The following DNAH9 variants were observed in gnomAD, a reference collection of about 807,000 sequenced individuals.
DNAH9 encodes the protein DNAH9 variant protein.
DNAH9 carries 345 observed loss-of-function variants against 471.6 expected under a neutral mutation model. The ratio of observed to expected loss-of-function variants is 0.73; its 90% CI spans 0.67 to 0.80. DNAH9 has a LOEUF of 0.80. DNAH9 is among the 30% of genes least tolerant of loss of function. The pLI, the probability that DNAH9 is intolerant of heterozygous loss-of-function variation, is 0.00. For synonymous variants in DNAH9, 2,093 were observed against 2,123.6 expected (o/e 0.99, Z 0.40); for missense variants, 5,407 against 5,609.2 (o/e 0.96, Z 1.15).
intron 38 of DNAH9, among the ~76,000 whole-genome samples, chr17:11,771,232 A>C (rs1045511895): frequency 6.6e-6 from 1 of 152,104 alleles, no homozygotes; most frequent in East Asian, 1.9e-4. Flanking sequence ...GGGTTCAAGC[A>C]ATTCTCTTGT....
rs199890015 is a variant in DNAH9, at chr17:11,901,375, G to T, written c.11407-1344G>T. ...TCCCCGGGCCACACTGGAAGAAGAA[G>T]AATTGTCTTGGACCACACATAAAAC... is the stretch of plus-strand genomic sequence containing the variant. On this transcript the variant is annotated intron_variant, in intron 59 of 68. Coordinates refer to ENST00000262442, the MANE Select transcript of DNAH9 (RefSeq NM_001372.4). Among the ~76,000 whole-genome samples, 22 of 152,314 alleles carry T rather than the reference G, an allele frequency of 1.4e-4. No homozygotes were observed. The East Asian group carries it at 3.9e-3, about 27-fold the overall frequency.
chr17:11,844,082 G>T (rs1463504138), intron 49 of DNAH9, among the ~76,000 whole-genome samples: 1 of 150,888 alleles, frequency 6.6e-6, no homozygotes, highest in East Asian at 1.9e-4. Context: ...GAACAGTTAA[G>T]AATAATAAAG....
chr17:11,694,633 G>GCTTT lies in DNAH9; in HGVS notation c.4872+190_4872+193dup, dbSNP rs1567724539. Reference sequence around the variant, plus strand: ...TGCTTTCTTGCTTTCTTGCTTTCTTGCTTTCTTGCTTTCTCGCTTTCTCGC... The same window carrying GCTTT: ...TGCTTTCTTGCTTTCTTGCTTTCTTGCTTTCTTTCTTGCTTTCTCGCTTTCTCGC... On this transcript the variant is annotated intron_variant, in intron 22 of 68. Transcript: ENST00000262442. Among the ~76,000 whole-genome samples the GCTTT allele has an allele frequency of 1.8e-3, 13 of 7,100 alleles. 2 individuals are homozygous for GCTTT. Among genetic ancestry groups the GCTTT allele is most frequent in the Admixed American group, 2.6e-3 (1 of 378 alleles). 4.7% of individuals were successfully genotyped at this position (7,100 alleles called of 152,430 possible). A position where few individuals can be genotyped will look rare whatever the true frequency, so the allele number is the denominator to read the frequency against.
chr17:11,961,555 CA>C (rs138256545), intron 67 of DNAH9, among the ~76,000 whole-genome samples: 1,617 of 152,260 alleles, frequency 0.011, 31 homozygotes, highest in African/African-American at 0.037. Context: ...ACTGAACCCA[CA>C]AGTGGTTTAA....
chr17:11,940,947 G>A (rs191571522), intron 66 of DNAH9, among the ~76,000 whole-genome samples: 3 of 152,250 alleles, frequency 2.0e-5, no homozygotes, highest in Non-Finnish European at 4.4e-5. Context: ...GGCAAGAAAT[G>A]GCTCACTCTA....
intron 48 of DNAH9, among the ~76,000 whole-genome samples, chr17:11,826,715 G>T (rs1291657723): frequency 6.6e-6 from 1 of 151,408 alleles, no homozygotes; most frequent in Non-Finnish European, 1.5e-5. Flanking sequence ...GCCCGCCTCG[G>T]CGTCCCAAAG....
intron 59 of DNAH9, among the ~76,000 whole-genome samples, chr17:11,895,269 C>T (rs1014917124): frequency 2.0e-5 from 3 of 152,162 alleles, no homozygotes; most frequent in African/African-American, 7.2e-5. Flanking sequence ...TGAGGCAACA[C>T]CAGCTTGCTC....
At chr17:11,698,182 T>TATTAATAATATGTTAATTATA (rs369729599) in intron 22 of DNAH9, among the ~76,000 whole-genome samples, 2 of 120,350 alleles carry the variant, frequency 1.7e-5, no homozygotes, top group Admixed American at 9.9e-5. Context: ...TAATATATTA[T>TATTAATAATATGTTAATTATA]TATATTAATA....
chr17:11,775,595 C>CTTTT lies in DNAH9; in HGVS notation c.7553-5390_7553-5387dup, dbSNP rs71142246. Among the ~76,000 whole-genome samples, 112 of 61,002 alleles carry CTTTT rather than the reference C, an allele frequency of 1.8e-3. 19 individuals carry two copies. The highest frequency in any genetic ancestry group is 7.5e-3 in the African/African-American group (99 of 13,214). 40.0% of individuals were successfully genotyped at this position (61,002 alleles called of 152,430 possible). A position where few individuals can be genotyped will look rare whatever the true frequency, so the allele number is the denominator to read the frequency against. On this transcript the variant is annotated intron_variant, in intron 38 of 68. Coordinates refer to ENST00000262442, the MANE Select transcript of DNAH9 (RefSeq NM_001372.4). ...GCTATTTTTCTCAAAATCAGATGTT[C>CTTTT]TTTTTTTTTTTTTTTTTTTTTTTTT...
chr17:11,955,572 A>G (rs1975598301), intron 67 of DNAH9, among the ~76,000 whole-genome samples: 1 of 152,128 alleles, frequency 6.6e-6, no homozygotes, highest in African/African-American at 2.4e-5. Context: ...TGCTAGAAGG[A>G]CTCATGAGTT....
At chr17:11,681,731 T>C (rs111524106) in intron 19 of DNAH9, among the ~76,000 whole-genome samples, 3,676 of 152,250 alleles carry the variant, frequency 0.024, 148 homozygotes, top group African/African-American at 0.083. Flanking sequence ...GGAATGTTTT[T>C]ATTTTCAAAG....
rs139750220 is a variant in DNAH9, at chr17:11,809,853, T to C, written c.8584-393T>C. Among the ~76,000 whole-genome samples, 60 of 152,240 alleles carry C rather than the reference T, an allele frequency of 3.9e-4. No homozygotes were observed. In the East Asian group the frequency reaches 7.6e-3, roughly 19 times the overall value. ...ATAAGTAAGACACTTGTATGAGTCT[T>C]ATATATGTGTAAGACAGATAAATGG... On this transcript the variant is annotated intron_variant, in intron 44 of 68. Transcript: ENST00000262442.
At position 11,854,061 on chromosome 17, in the gene DNAH9, G is replaced by A; in HGVS notation, c.9566G>A (p.Ser3189Asn). 2.5e-6 allele frequency: 4 copies of A among 1,614,172 alleles called. No individual in the cohort carries two copies. Among genetic ancestry groups the A allele is most frequent in the Non-Finnish European group, 3.4e-6 (4 of 1,180,034 alleles). Residue 3189 changes from serine (S) to asparagine (N), a missense_variant, in exon 50 of 69, where the codon AGC becomes AAC. By Grantham distance (46) the Ser-to-Asn change is conservative. This residue lies in a region of DNAH9 where 4,636 missense variants were observed against 4,900.3 expected (regional missense o/e 0.95). Transcript: ENST00000262442. The stretch of plus-strand genomic sequence containing the variant: ...CCGCCTCTGGCCGTCAGCAATGTCA[G>A]CGCTGCGGTGATGGTACTGATGGCT... ...GSPPLAVSNVSAAVMVLMAPR... is the reference protein window; with the variant it reads ...GSPPLAVSNVNAAVMVLMAPR...
intron 19 of DNAH9, among the ~76,000 whole-genome samples, chr17:11,688,909 G>A (rs559369942): frequency 6.6e-6 from 1 of 151,926 alleles, no homozygotes; most frequent in Admixed American, 6.6e-5. Context: ...CAGCCTGGCC[G>A]ACATGGTGAA....
intron 66 of DNAH9, 116 bp from the exon 67 acceptor site, chr17:11,942,187 G>A (rs558494113): frequency 7.1e-7 from 1 of 1,405,778 alleles, no homozygotes; most frequent in South Asian, 1.3e-5. Flanking sequence ...ATGTCAGTGG[G>A]TGGAGGGGCA....
intron 48 of DNAH9, among the ~76,000 whole-genome samples, chr17:11,827,032 C>T (rs1258458123): frequency 6.6e-6 from 1 of 151,914 alleles, no homozygotes; most frequent in Non-Finnish European, 1.5e-5. Flanking sequence ...ACCATGTTGG[C>T]CAGGATTGTC....
intron 53 of DNAH9, 54 bp downstream of exon 53, chr17:11,875,238 A>G (rs2150989217): frequency 6.9e-7 from 1 of 1,441,672 alleles, no homozygotes; most frequent in African/African-American, 1.6e-5. Context: ...AGGAAAATGT[A>G]TAGATCATGA....
intron 48 of DNAH9, among the ~76,000 whole-genome samples, chr17:11,826,455 G>GTTTTTTT (rs36037678): frequency 1.3e-5 from 1 of 78,970 alleles, no homozygotes; most frequent in East Asian, 4.1e-4. Context: ...CTTTTTCTTG[G>GTTTTTTT]TTTTTTTTTT....
chr17:11,645,743 C>T (rs1012307435), intron 11 of DNAH9, among the ~76,000 whole-genome samples: 1 of 152,146 alleles, frequency 6.6e-6, no homozygotes, highest in Admixed American at 6.5e-5. Context: ...AACCTCTGGC[C>T]ATCCTCTGAG....
Sources: allele counts gnomAD v4.1 joint callset (sites outside exome capture counted in the v4.1 genomes callset), GRCh38; gene constraint gnomAD v4.1.1; regional missense constraint gnomAD v4.1.1; transcripts MANE v1.5; gene names NCBI Gene and HGNC (gene_info 2026-07-23, HGNC 2026-07-21).